The following CFAP57 variants were observed in gnomAD, a reference collection of about 807,000 sequenced individuals.
The protein encoded by CFAP57 is cilia- and flagella-associated protein 57.
A neutral mutation model predicts 146.8 loss-of-function variants in CFAP57; 116 were observed. That is an observed-to-expected ratio of 0.79 (90% CI 0.68 to 0.92). The LOEUF (loss-of-function observed/expected upper bound fraction) is 0.92. Among genes scored for constraint, CFAP57 ranks in the 40% least tolerant of loss-of-function variants. The pLI is 0.00. For missense variants in CFAP57, 1,377 were observed against 1,527.2 expected (o/e 0.90, Z 1.64); for synonymous variants, 518 against 552.8 (o/e 0.94, Z 0.88).
chr1:43,240,050 A>T (rs1262354807), intron 21 of CFAP57, among the ~76,000 whole-genome samples: 2 of 152,234 alleles, frequency 1.3e-5, no homozygotes, highest in Non-Finnish European at 2.9e-5. Flanking sequence ...TGCAAGGAGA[A>T]GGTCCATGGG....
intron 12 of CFAP57, 110 bp from the exon 13 acceptor site, chr1:43,219,272 T>G: frequency 4.9e-5 from 57 of 1,171,848 alleles, no homozygotes; most frequent in Non-Finnish European, 6.0e-5. Flanking sequence ...TGAGACACAT[T>G]GAGTTTGAAG....
intron 11 of CFAP57, among the ~76,000 whole-genome samples, chr1:43,213,491 G>A (rs1644707438): frequency 8.7e-6 from 1 of 115,578 alleles, no homozygotes. Flanking sequence ...ACTATTGGTG[G>A]TACAATAAAT....
intron 21 of CFAP57, among the ~76,000 whole-genome samples, chr1:43,237,726 C>A (rs970068450): frequency 2.0e-5 from 3 of 152,028 alleles, no homozygotes; most frequent in Non-Finnish European, 4.4e-5. Context: ...GCTTGGAGAC[C>A]CAAGAGTCCA....
At chr1:43,251,066 G>T (rs1181551121) in intron 22 of CFAP57, among the ~76,000 whole-genome samples, 12 of 152,220 alleles carry the variant, frequency 7.9e-5, no homozygotes, top group African/African-American at 2.7e-4. Context: ...GCCAAAATTA[G>T]GTGGGCAGCT....
At chr1:43,244,583 G>A (rs1646042119) in intron 22 of CFAP57, among the ~76,000 whole-genome samples, 1 of 152,174 alleles carries the variant, frequency 6.6e-6, no homozygotes, top group South Asian at 2.1e-4. Context: ...CAGGGTTGAT[G>A]TGAGAGCATA....
intron 3 of CFAP57, among the ~76,000 whole-genome samples, chr1:43,182,673 G>A (rs541886819): frequency 1.3e-5 from 2 of 152,300 alleles, no homozygotes; most frequent in South Asian, 2.1e-4. Flanking sequence ...TCAGACCAAA[G>A]GCAGGTAGAA....
At chr1:43,222,322 TC>T in intron 15 of CFAP57, 27 bp downstream of exon 15, 1 of 1,392,984 alleles carries the variant, frequency 7.2e-7, no homozygotes, top group Non-Finnish European at 9.4e-7. Context: ...ATGCTGTGCC[TC>T]CCTTTCACAG....
chr1:43,186,973 C>T (rs1643170615), intron 6 of CFAP57, 114 bp downstream of exon 6: 1 of 1,281,932 alleles, frequency 7.8e-7, no homozygotes, highest in South Asian at 1.3e-5. Flanking sequence ...TCATGCATCC[C>T]CTTAATACAG....
chr1:43,254,306 T>A lies in CFAP57; in HGVS notation c.*115T>A. The A allele has an allele frequency of 1.1e-6, 1 of 896,446 alleles. No individual in the cohort carries two copies. The highest frequency in any genetic ancestry group is 1.7e-6 in the Non-Finnish European group (1 of 599,280). 55.5% of individuals were successfully genotyped at this position (896,446 alleles called of 1,614,324 possible). ...CCCTGCAGCACTGACCCCAGCAACCTCTTTCTCTTGCCCTGGGGAATTTGG... is the reference window on the plus strand; with the variant it reads ...CCCTGCAGCACTGACCCCAGCAACCACTTTCTCTTGCCCTGGGGAATTTGG... On this transcript the variant is annotated 3_prime_UTR_variant, in exon 23 of 23. Coordinates refer to ENST00000372492, the MANE Select transcript of CFAP57 (RefSeq NM_001378189.1).
At chr1:43,240,232 T>C (rs1224659749) in intron 21 of CFAP57, among the ~76,000 whole-genome samples, 1 of 145,644 alleles carries the variant, frequency 6.9e-6, no homozygotes, top group East Asian at 2.3e-4. Flanking sequence ...AGGTCTTCCA[T>C]GTGGGGCACT....
At chr1:43,193,810 A>G (rs978420074) in intron 6 of CFAP57, among the ~76,000 whole-genome samples, 5 of 151,914 alleles carry the variant, frequency 3.3e-5, no homozygotes, top group Non-Finnish European at 7.4e-5. Context: ...AACCTTTACT[A>G]TCATTTCTGG....
intron 9 of CFAP57, among the ~76,000 whole-genome samples, chr1:43,204,238 C>G (rs1570060358): frequency 6.6e-6 from 1 of 152,282 alleles, no homozygotes; most frequent in East Asian, 1.9e-4. Flanking sequence ...ATCCTACCTT[C>G]CTTTAATTAT....
intron 6 of CFAP57, among the ~76,000 whole-genome samples, chr1:43,197,352 A>G (rs1250158744): frequency 6.6e-6 from 1 of 152,166 alleles, no homozygotes; most frequent in East Asian, 1.9e-4. Context: ...GCGAGACTCC[A>G]TCTCAAACAT....
intron 6 of CFAP57, among the ~76,000 whole-genome samples, chr1:43,196,261 CAA>C (rs367876742): frequency 1.3e-5 from 2 of 152,118 alleles, no homozygotes; most frequent in Non-Finnish European, 2.9e-5. Context: ...GTTTTTAAGA[CAA>C]GAGAGATTTG....
chr1:43,181,452 G>T, intron 2 of CFAP57, 82 bp from the exon 3 acceptor site: 1 of 1,524,478 alleles, frequency 6.6e-7, no homozygotes. Flanking sequence ...CCACTCCAGT[G>T]CCCACCACAG....
At chr1:43,225,862 A>T (rs1645224577) in intron 17 of CFAP57, among the ~76,000 whole-genome samples, 1 of 152,246 alleles carries the variant, frequency 6.6e-6, no homozygotes, top group South Asian at 2.1e-4. Context: ...TCACCGTGCA[A>T]CAAATTAACC....
Position 43,172,834 on chromosome 1 carries a change from A to G in CFAP57, c.81A>G (p.Glu27=), listed in dbSNP as rs201151713. The change falls in exon 2 of 23, where the codon GAA becomes GAG. Residue 27 remains glutamate (E), a synonymous_variant. Transcript: ENST00000372492. ...HVANNIFYFD[E]QIIIFPSGNH... is the part of the protein sequence containing the mutation. Reference sequence around the variant, plus strand: ...CCAACAATATCTTCTACTTCGATGAACAGATCATTATATTTCCTTCAGGAA... The same window carrying G: ...CCAACAATATCTTCTACTTCGATGAGCAGATCATTATATTTCCTTCAGGAA... The G allele has an allele frequency of 2.0e-5, 32 of 1,614,164 alleles. No homozygotes were observed. The East Asian group carries it at 7.1e-4, about 36-fold the overall frequency.
At chr1:43,231,075 A>C (rs142078616) in intron 18 of CFAP57, among the ~76,000 whole-genome samples, 1 of 152,014 alleles carries the variant, frequency 6.6e-6, no homozygotes, top group Non-Finnish European at 1.5e-5. Context: ...GTCCCTCACT[A>C]TTGCTCTCCT....
At chr1:43,214,178 G>A (rs776831182) in intron 11 of CFAP57, among the ~76,000 whole-genome samples, 7 of 151,488 alleles carry the variant, frequency 4.6e-5, no homozygotes, top group Non-Finnish European at 1.0e-4. Flanking sequence ...AAGCCACCAC[G>A]CCCGCCCCTT....
Sources: gnomAD v4.1 joint callset for allele counts (sites outside exome capture counted in the v4.1 genomes callset) on GRCh38, gnomAD v4.1.1 for gene constraint, MANE v1.5 for transcripts, NCBI Gene and HGNC (gene_info 2026-07-23, HGNC 2026-07-21) for gene names.